Variants in TDRD5 observed in about 807,000 individuals in gnomAD.
TDRD5 encodes the protein tudor domain containing 5.
TDRD5 carries 41 observed loss-of-function variants against 120.6 expected under a neutral mutation model. The observed-to-expected ratio is 0.34, with a 90% CI of 0.26 to 0.44. The LOEUF (loss-of-function observed/expected upper bound fraction) is 0.44, where lower values mean the gene tolerates loss of function less well. Ranked by LOEUF, TDRD5 falls within the 20% of genes least tolerant of loss-of-function variation. The pLI is 1.00. For synonymous variants in TDRD5, 430 were observed against 433.7 expected, an observed-to-expected ratio of 0.99 and a Z score of 0.11; for missense variants, 1,006 against 1,221.2, an observed-to-expected ratio of 0.82 and a Z score of 2.63.
intron 6 of TDRD5, among the ~76,000 whole-genome samples, chr1:179,630,429 C>T (rs748186295): frequency 5.9e-5 from 9 of 152,074 alleles, no homozygotes; most frequent in East Asian, 3.9e-4. Context: ...AGTTTTATTA[C>T]GACTGTTGTA....
intron 17 of TDRD5, among the ~76,000 whole-genome samples, chr1:179,682,486 T>C (rs1465790972): frequency 6.6e-6 from 1 of 152,066 alleles, no homozygotes; most frequent in East Asian, 1.9e-4. Context: ...AGTGAGAACA[T>C]GTGGTGTTTG....
chr1:179,656,671 T>TA (rs1319324652), intron 14 of TDRD5, among the ~76,000 whole-genome samples: 1 of 152,260 alleles, frequency 6.6e-6, no homozygotes, highest in African/African-American at 2.4e-5. Context: ...CTAGACTCTA[T>TA]ATTCTTCTCC....
intron 17 of TDRD5, among the ~76,000 whole-genome samples, chr1:179,681,810 G>A (rs1012922417): frequency 5.4e-5 from 8 of 148,544 alleles, no homozygotes; most frequent in Non-Finnish European, 1.0e-4. Context: ...ATTGGATGTT[G>A]TTCTGTTGCT....
chr1:179,689,955 G>A (rs544194151), intron 17 of TDRD5, among the ~76,000 whole-genome samples: 78 of 152,254 alleles, frequency 5.1e-4, no homozygotes, highest in Non-Finnish European at 9.4e-4. Flanking sequence ...CATCTGTCAC[G>A]GCTTCCCTTG....
chr1:179,638,629 C>T (rs1677891182), intron 9 of TDRD5, among the ~76,000 whole-genome samples: 1 of 127,312 alleles, frequency 7.9e-6, no homozygotes, highest in African/African-American at 2.8e-5. Flanking sequence ...AATCTTGCTG[C>T]TCCAGAATAG....
In TDRD5 at chr1:179,662,245, G is replaced by A. The variant is rs761177966; in HGVS notation, c.2464G>A (p.Gly822Arg). 6 of 1,610,116 alleles carry A rather than the reference G, an allele frequency of 3.7e-6. No homozygotes were observed. In the South Asian group the frequency reaches 5.5e-5, roughly 15 times the overall value. The change falls in exon 15 of 18, where the codon GGA becomes AGA. Residue 822 changes from glycine (G) to arginine (R), a missense_variant. Coordinates refer to ENST00000444136, the MANE Select transcript of TDRD5 (RefSeq NM_001199085.3). The part of the protein sequence containing the change: ...ASHLFTASLG[G>R]KNQYSSCKEM... ...CCATCTATTTACTGCAAGCCTTGGTGGAAAGAATCAGTATTCATCATGTAA... is the reference window on the plus strand; with the variant it reads ...CCATCTATTTACTGCAAGCCTTGGTAGAAAGAATCAGTATTCATCATGTAA...
intron 14 of TDRD5, among the ~76,000 whole-genome samples, chr1:179,659,541 T>C (rs1356917341): frequency 1.4e-5 from 2 of 143,144 alleles, no homozygotes; most frequent in African/African-American, 5.2e-5. Context: ...GTATAGCCAT[T>C]CCAGTTTTCG....
At chr1:179,669,827 A>G (rs1388225911) in intron 17 of TDRD5, among the ~76,000 whole-genome samples, 1 of 152,184 alleles carries the variant, frequency 6.6e-6, no homozygotes, top group Non-Finnish European at 1.5e-5. Flanking sequence ...AGAATTTCAT[A>G]TAAATGGAAT....
intron 11 of TDRD5, among the ~76,000 whole-genome samples, chr1:179,641,070 A>C (rs1678018808): frequency 6.6e-6 from 1 of 152,040 alleles, no homozygotes; most frequent in Non-Finnish European, 1.5e-5. Flanking sequence ...ATGTAGGTGC[A>C]TTTATATAAT....
At chr1:179,676,299 T>C (rs916264006) in intron 17 of TDRD5, among the ~76,000 whole-genome samples, 1 of 152,216 alleles carries the variant, frequency 6.6e-6, no homozygotes, top group Admixed American at 6.5e-5. Flanking sequence ...TGAATTCTTA[T>C]CCATTCTGCA....
intron 4 of TDRD5, among the ~76,000 whole-genome samples, chr1:179,597,395 G>T (rs1182569860): frequency 6.9e-6 from 1 of 145,844 alleles, no homozygotes; most frequent in Admixed American, 7.0e-5. Flanking sequence ...GCAATGGTGC[G>T]ATCTCGGCTC....
rs35873475 is a variant in TDRD5 at position 179,668,741 on chromosome 1, C to CTTTTTT, written c.2650-439_2650-434dup. Among the ~76,000 whole-genome samples the CTTTTTT allele has an allele frequency of 2.5e-4, 28 of 110,310 alleles. 1 individual carries two copies. The highest frequency in any genetic ancestry group is 3.0e-4 in the Non-Finnish European group (17 of 56,362). 72.4% of individuals were successfully genotyped at this position (110,310 alleles called of 152,430 possible). On this transcript the variant is annotated intron_variant, in intron 16 of 17. Coordinates refer to ENST00000444136, the MANE Select transcript of TDRD5 (RefSeq NM_001199085.3). ...GCTTTTTCTAGAGAGTATCTAGGTT[C>CTTTTTT]TTTTTTTTTTTTTTTTTTTGTGATG...
Position 179,686,395 on chromosome 1 carries a change from A to C in TDRD5, c.2861-4301A>C, listed in dbSNP as rs190362327. On this transcript the variant is annotated intron_variant, in intron 17 of 17. Coordinates refer to ENST00000444136, the MANE Select transcript of TDRD5 (RefSeq NM_001199085.3). ...GCCTTGCATTCCAGGGATGAAGCCCACTTGATCATGGTGGATAAGCTTTTT... is the reference window on the plus strand; with the variant it reads ...GCCTTGCATTCCAGGGATGAAGCCCCCTTGATCATGGTGGATAAGCTTTTT... 5.5e-3 allele frequency among the ~76,000 whole-genome samples: 831 copies of C among 152,306 alleles called. 3 individuals are homozygous for C. The highest frequency in any genetic ancestry group is 0.019 in the African/African-American group (788 of 41,556).
intron 13 of TDRD5, among the ~76,000 whole-genome samples, chr1:179,653,824 T>G (rs192460752): frequency 1.3e-5 from 2 of 152,346 alleles, no homozygotes; most frequent in Admixed American, 1.3e-4. Context: ...AAGTGTTATC[T>G]TCTTCATTGC....
At chr1:179,631,940 G>A (rs1382116333) in intron 7 of TDRD5, among the ~76,000 whole-genome samples, 14 of 133,010 alleles carry the variant, frequency 1.1e-4, no homozygotes, top group Admixed American at 5.4e-4. Flanking sequence ...AGATTCTTAC[G>A]CTGTCCCCCA....
rs1284827077 is a variant in TDRD5 at position 179,640,364 on chromosome 1, G to A, written c.1734-15G>A. 6.2e-7 allele frequency: 1 copy of A among 1,613,972 alleles called. No individual in the cohort carries two copies. Among genetic ancestry groups the A allele is most frequent in the Non-Finnish European group, 8.5e-7 (1 of 1,179,906 alleles). On this transcript the variant is annotated splice_polypyrimidine_tract_variant and intron_variant, in intron 10 of 17. Transcript: ENST00000444136. Reference sequence around the variant, plus strand: ...GCAGGAAGATTGAACTTACATATTTGATTATCTATTGCAGGTGCTGCTACA... The same window carrying A: ...GCAGGAAGATTGAACTTACATATTTAATTATCTATTGCAGGTGCTGCTACA...
chr1:179,606,224 C>T (rs148086640), intron 4 of TDRD5, among the ~76,000 whole-genome samples: 117 of 151,836 alleles, frequency 7.7e-4, no homozygotes, highest in African/African-American at 2.6e-3. Context: ...GCTTACTTGC[C>T]ATCTGGTATA....
At chr1:179,677,109 G>C (rs927888010) in intron 17 of TDRD5, among the ~76,000 whole-genome samples, 1 of 152,050 alleles carries the variant, frequency 6.6e-6, no homozygotes, top group African/African-American at 2.4e-5. Flanking sequence ...TTTGAGCTCT[G>C]AAGTTCTTTC....
At chr1:179,667,137 C>T (rs1279532175) in intron 16 of TDRD5, among the ~76,000 whole-genome samples, 1 of 152,198 alleles carries the variant, frequency 6.6e-6, no homozygotes, top group Admixed American at 6.5e-5. Flanking sequence ...GCTGATGCTG[C>T]TGATGAGTGA....
Sources: allele counts gnomAD v4.1 joint callset (sites outside exome capture counted in the v4.1 genomes callset), GRCh38; gene constraint gnomAD v4.1.1; transcripts MANE v1.5; gene names NCBI Gene and HGNC (gene_info 2026-07-23, HGNC 2026-07-21).